Variants in RB1 observed in about 807,000 individuals in gnomAD.
The protein encoded by RB1 is retinoblastoma-associated protein.
Under a neutral mutation model 135.4 loss-of-function variants are expected in RB1, and 18 were observed. The observed-to-expected ratio is 0.13, with a 90% CI of 0.09 to 0.20. RB1 has a LOEUF of 0.20. RB1 is among the 10% of genes least tolerant of loss of function. RB1 has a pLI of 1.00. For synonymous variants in RB1, 365 were observed against 373.2 expected (o/e 0.98, Z 0.25); for missense variants, 868 against 1,110.0 (o/e 0.78, Z 3.10).
At chr13:48,388,438 G>A (rs1269109535) in intron 17 of RB1, among the ~76,000 whole-genome samples, 1 of 152,150 alleles carries the variant, frequency 6.6e-6, no homozygotes, top group African/African-American at 2.4e-5. Context: ...CTAAGATTAT[G>A]GACCATAAAA....
intron 7 of RB1, chr13:48,360,828 A>G (rs1952632597): frequency 6.6e-6 from 1 of 152,128 alleles, no homozygotes; most frequent in African/African-American, 2.4e-5. Context: ...ATATACAGAA[A>G]AATGTAAACT....
At chr13:48,307,503 G>A (rs2138034921) in intron 2 of RB1, 97 bp downstream of exon 2, 1 of 1,249,474 alleles carries the variant, frequency 8.0e-7, no homozygotes, top group Non-Finnish European at 1.1e-6. Context: ...AAAATATAAA[G>A]ACAATAAAAG....
chr13:48,346,279 A>G (rs1375542972), intron 4 of RB1, among the ~76,000 whole-genome samples: 1 of 151,826 alleles, frequency 6.6e-6, no homozygotes, highest in Admixed American at 6.6e-5. Flanking sequence ...TGAATCGACC[A>G]AAATGTCAAC....
chr13:48,432,679 A>G (rs964530745), intron 17 of RB1, among the ~76,000 whole-genome samples: 2 of 152,120 alleles, frequency 1.3e-5, no homozygotes, highest in Admixed American at 1.3e-4. Context: ...GACATCTGAC[A>G]GCCTATGTCA....
At chr13:48,344,716 A>G (rs563838683) in intron 3 of RB1, among the ~76,000 whole-genome samples, 1 of 152,302 alleles carries the variant, frequency 6.6e-6, no homozygotes, top group African/African-American at 2.4e-5. Context: ...GAAGAGTTAC[A>G]AATATAGAAA....
At chr13:48,366,321 C>A (rs1015050628) in intron 9 of RB1, among the ~76,000 whole-genome samples, 2 of 152,034 alleles carry the variant, frequency 1.3e-5, no homozygotes, top group African/African-American at 4.8e-5. Flanking sequence ...ATAATATAGC[C>A]AATCAATAGA....
intron 4 of RB1, among the ~76,000 whole-genome samples, chr13:48,347,164 G>A (rs1250481278): frequency 6.6e-6 from 1 of 152,068 alleles, no homozygotes; most frequent in African/African-American, 2.4e-5. Flanking sequence ...CATTGTATAT[G>A]TTTAAGGGTG....
At chr13:48,337,523 A>G (rs1363102615) in intron 2 of RB1, among the ~76,000 whole-genome samples, 2 of 151,610 alleles carry the variant, frequency 1.3e-5, no homozygotes, top group African/African-American at 4.9e-5. Context: ...TTTGTTTTCC[A>G]TTTGCTTGGT....
At chr13:48,416,392 A>T (rs1948911026) in intron 17 of RB1, 1 of 152,300 alleles carries the variant, frequency 6.6e-6, no homozygotes, top group African/African-American at 2.4e-5. Flanking sequence ...GGAACGATGC[A>T]TTCCGGCCCA....
intron 2 of RB1, among the ~76,000 whole-genome samples, chr13:48,340,003 T>A (rs145240586): frequency 6.6e-6 from 1 of 152,252 alleles, no homozygotes; most frequent in African/African-American, 2.4e-5. Flanking sequence ...GACCCACATA[T>A]ATATATTATT....
chr13:48,332,598 A>G (rs1952347282), intron 2 of RB1, among the ~76,000 whole-genome samples: 1 of 152,172 alleles, frequency 6.6e-6, no homozygotes, highest in East Asian at 1.9e-4. Flanking sequence ...CAAAAACAAA[A>G]AAAGTAGTAG....
intron 17 of RB1, among the ~76,000 whole-genome samples, chr13:48,437,371 C>T (rs903565302): frequency 6.6e-6 from 1 of 152,150 alleles, no homozygotes; most frequent in African/African-American, 2.4e-5. Flanking sequence ...GAAATATTTT[C>T]TTTATAGTTA....
At chr13:48,317,945 G>A in intron 2 of RB1, 1 of 443,626 alleles carries the variant, frequency 2.3e-6, no homozygotes. Flanking sequence ...AGACTCCTTG[G>A]CCTTTTCCGC....
intron 20 of RB1, among the ~76,000 whole-genome samples, chr13:48,461,101 C>A (rs1949402184): frequency 6.6e-6 from 1 of 152,074 alleles, no homozygotes; most frequent in Non-Finnish European, 1.5e-5. Flanking sequence ...ACAAACATCA[C>A]CATAATCAAT....
chr13:48,367,691 C>A, intron 10 of RB1, 88 bp downstream of exon 10: 3 of 1,422,298 alleles, frequency 2.1e-6, no homozygotes, highest in South Asian at 1.2e-5. Flanking sequence ...GCTTAGTGAC[C>A]TTTAGATATC....
chr13:48,338,143 G>T (rs1471752587), intron 2 of RB1, among the ~76,000 whole-genome samples: 1 of 152,130 alleles, frequency 6.6e-6, no homozygotes, highest in Non-Finnish European at 1.5e-5. Context: ...TGGTGAATCT[G>T]ACAATTATGT....
intron 17 of RB1, among the ~76,000 whole-genome samples, chr13:48,433,841 C>T (rs1949155766): frequency 6.6e-6 from 1 of 151,924 alleles, no homozygotes; most frequent in African/African-American, 2.4e-5. Flanking sequence ...AGAAGCATAT[C>T]TTACAACTTT....
At chr13:48,438,179 T>G (rs1949202698) in intron 17 of RB1, among the ~76,000 whole-genome samples, 1 of 152,200 alleles carries the variant, frequency 6.6e-6, no homozygotes, top group African/African-American at 2.4e-5. Flanking sequence ...TTTAGCATTA[T>G]GGAAAGAAAA....
At chr13:48,414,140 G>T (rs1252411885) in intron 17 of RB1, among the ~76,000 whole-genome samples, 1 of 152,070 alleles carries the variant, frequency 6.6e-6, no homozygotes, top group African/African-American at 2.4e-5. Context: ...CTGAGATCAG[G>T]AGTTTGAGAG....
Sources: gnomAD v4.1 joint callset for allele counts (sites outside exome capture counted in the v4.1 genomes callset) on GRCh38, gnomAD v4.1.1 for gene constraint, MANE v1.5 for transcripts, NCBI Gene and HGNC (gene_info 2026-07-23, HGNC 2026-07-21) for gene names.